CPPED1: variants seen among roughly 807,000 people sequenced by gnomAD.
CPPED1 encodes the protein serine/threonine-protein phosphatase CPPED1.
In CPPED1, 28 loss-of-function variants were observed where a neutral mutation model predicts 28.0. The ratio of observed to expected loss-of-function variants is 1.00; its 90% CI spans 0.74 to 1.37. The LOEUF is 1.37. Ranked by LOEUF, CPPED1 falls within the 40% of genes most tolerant of loss-of-function variation. The pLI, the probability that CPPED1 is intolerant of heterozygous loss-of-function variation, is 0.00. For missense variants in CPPED1, 504 were observed against 416.5 expected (o/e 1.21, Z -1.83); for synonymous variants, 198 against 180.2 (o/e 1.10, Z -0.79).
intron 2 of CPPED1, among the ~76,000 whole-genome samples, chr16:12,761,545 C>T (rs922414191): frequency 2.6e-5 from 4 of 152,166 alleles, no homozygotes; most frequent in East Asian, 1.9e-4. Context: ...TTCTAGTAGC[C>T]GCTTAGGTTT....
intron 2 of CPPED1, among the ~76,000 whole-genome samples, chr16:12,707,306 A>C (rs780225209): frequency 6.6e-6 from 1 of 152,094 alleles, no homozygotes; most frequent in Non-Finnish European, 1.5e-5. Flanking sequence ...ATCACTGACA[A>C]TACTTCTTAG....
At chr16:12,738,208 A>G (rs139565311) in intron 2 of CPPED1, among the ~76,000 whole-genome samples, 129 of 152,310 alleles carry the variant, frequency 8.5e-4, no homozygotes, top group African/African-American at 2.9e-3. Flanking sequence ...GATGCTTGTA[A>G]TAATAAGGAG....
intron 2 of CPPED1, among the ~76,000 whole-genome samples, chr16:12,722,417 C>T (rs1461180547): frequency 1.3e-5 from 2 of 152,216 alleles, no homozygotes; most frequent in African/African-American, 2.4e-5. Context: ...GAATTTCCTG[C>T]TGGAAAGACT....
At chr16:12,673,502 A>T (rs181894268) in intron 3 of CPPED1, among the ~76,000 whole-genome samples, 2 of 152,306 alleles carry the variant, frequency 1.3e-5, no homozygotes, top group East Asian at 3.9e-4. Context: ...AAACTCATTT[A>T]TGTTTAAGTT....
chr16:12,692,093 A>G (rs1010960523), intron 3 of CPPED1, among the ~76,000 whole-genome samples: 17 of 152,230 alleles, frequency 1.1e-4, no homozygotes, highest in Non-Finnish European at 2.5e-4. Flanking sequence ...ACCTCAAGTG[A>G]TCTGCCTGCC....
At chr16:12,772,969 T>C (rs2080478102) in intron 2 of CPPED1, among the ~76,000 whole-genome samples, 1 of 152,330 alleles carries the variant, frequency 6.6e-6, no homozygotes, top group Non-Finnish European at 1.5e-5. Context: ...TCACTAAATA[T>C]TGGGATCAAT....
At chr16:12,708,518 G>A (rs2080063390) in intron 2 of CPPED1, among the ~76,000 whole-genome samples, 1 of 152,034 alleles carries the variant, frequency 6.6e-6, no homozygotes, top group Admixed American at 6.6e-5. Context: ...TTTTATCAGC[G>A]ACCCACTGTG....
chr16:12,753,749 GTTCT>G (rs2080346312), intron 2 of CPPED1: 2 of 152,104 alleles, frequency 1.3e-5, no homozygotes, highest in Admixed American at 6.6e-5. Context: ...GGAGCCTGTG[GTTCT>G]TTATTTGGTT....
In CPPED1 at chr16:12,744,317, C is replaced by CAAGG. The variant is rs1457685467; in HGVS notation, c.289+36867_289+36868insCCTT. The stretch of plus-strand genomic sequence containing the variant: ...GAGAGAAAGCAAGCAAGCAAGCAAG[C>CAAGG]AAGCAAGCAAGCAAGCAAGCAAGCA... On this transcript the variant is annotated intron_variant, in intron 2 of 3. Coordinates refer to ENST00000381774, the MANE Select transcript of CPPED1 (RefSeq NM_018340.3). Among the ~76,000 whole-genome samples the CAAGG allele has an allele frequency of 5.3e-5, 8 of 151,816 alleles. No homozygotes were observed. In the East Asian group the frequency reaches 1.5e-3, roughly 29 times the overall value.
At chr16:12,703,630 C>T (rs1198972597) in intron 3 of CPPED1, among the ~76,000 whole-genome samples, 3 of 149,626 alleles carry the variant, frequency 2.0e-5, no homozygotes, top group East Asian at 3.9e-4. Context: ...TGCAGTGAGC[C>T]GAGATTTTGC....
chr16:12,706,392 G>C (rs1212674525), intron 2 of CPPED1, among the ~76,000 whole-genome samples: 1 of 148,666 alleles, frequency 6.7e-6, no homozygotes, highest in Non-Finnish European at 1.5e-5. Flanking sequence ...GCCACTGAAA[G>C]TAATGACAAA....
intron 2 of CPPED1, among the ~76,000 whole-genome samples, chr16:12,737,205 A>G (rs1049188944): frequency 1.3e-4 from 20 of 151,948 alleles, no homozygotes; most frequent in African/African-American, 4.8e-4. Flanking sequence ...AATAATAATA[A>G]TAATAATAAA....
chr16:12,792,780 A>G lies in CPPED1; in HGVS notation c.70+10927T>C, dbSNP rs186633146. On this transcript the variant is annotated intron_variant, in intron 1 of 3. Transcript: ENST00000381774. ...TGCACACGCTCTCTTGCCTGCCACC[A>G]TGTAAGACATGCCTTTGCTCTTCCT... Among the ~76,000 whole-genome samples the G allele has an allele frequency of 9.9e-5, 15 of 152,280 alleles. No homozygotes were observed. In the East Asian group the frequency reaches 2.1e-3, roughly 22 times the overall value.
At chr16:12,746,373 CAAAAAA>C (rs71142518) in intron 2 of CPPED1, among the ~76,000 whole-genome samples, 1 of 105,552 alleles carries the variant, frequency 9.5e-6, no homozygotes, top group Non-Finnish European at 1.8e-5. Context: ...GACTCTGACT[CAAAAAA>C]AAAAAAAAAA....
At chr16:12,726,612 G>C (rs1254166657) in intron 2 of CPPED1, among the ~76,000 whole-genome samples, 2 of 152,034 alleles carry the variant, frequency 1.3e-5, no homozygotes, top group African/African-American at 2.4e-5. Context: ...CAAAGTGCTA[G>C]GATTACAGGC....
intron 2 of CPPED1, among the ~76,000 whole-genome samples, chr16:12,775,179 A>G (rs757122826): frequency 2.0e-5 from 3 of 152,008 alleles, no homozygotes; most frequent in Non-Finnish European, 4.4e-5. Flanking sequence ...TCCCCATGTG[A>G]TGTTCTGTGC....
chr16:12,734,284 G>T (rs567702541), intron 2 of CPPED1, among the ~76,000 whole-genome samples: 90 of 152,102 alleles, frequency 5.9e-4, no homozygotes, highest in South Asian at 3.9e-3. Flanking sequence ...TGGCCAGCCT[G>T]ATCTCGAACT....
intron 2 of CPPED1, among the ~76,000 whole-genome samples, chr16:12,725,121 T>A (rs2080163417): frequency 6.6e-6 from 1 of 152,012 alleles, no homozygotes; most frequent in Non-Finnish European, 1.5e-5. Flanking sequence ...AGATGGAGTC[T>A]TACTCTGTCA....
At chr16:12,768,123 G>A (rs1397010074) in intron 2 of CPPED1, among the ~76,000 whole-genome samples, 3 of 152,186 alleles carry the variant, frequency 2.0e-5, no homozygotes, top group African/African-American at 7.2e-5. Context: ...CTCTCTGGCT[G>A]AACCTTCAAC....
Sources: gnomAD v4.1 joint callset for allele counts (sites outside exome capture counted in the v4.1 genomes callset) on GRCh38, gnomAD v4.1.1 for gene constraint, MANE v1.5 for transcripts, NCBI Gene and HGNC (gene_info 2026-07-23, HGNC 2026-07-21) for gene names.